The following MLPH variants were observed in gnomAD, a reference collection of about 807,000 sequenced individuals.
The protein encoded by MLPH is melanophilin.
MLPH carries 51 observed loss-of-function variants against 72.1 expected under a neutral mutation model. That is an observed-to-expected ratio of 0.71 (90% CI 0.56 to 0.89). The LOEUF (loss-of-function observed/expected upper bound fraction) is 0.89, where lower values mean the gene tolerates loss of function less well. MLPH is among the 40% of genes least tolerant of loss of function. The probability of loss-of-function intolerance (pLI) is 0.00; values close to 1 mark genes in which losing one functional copy is unlikely to be tolerated. For missense variants in MLPH, 743 were observed against 759.9 expected (o/e 0.98, Z 0.26); for synonymous variants, 301 against 310.1 (o/e 0.97, Z 0.31).
intron 6 of MLPH, among the ~76,000 whole-genome samples, chr2:237,524,228 T>C (rs2080252066): frequency 6.6e-6 from 1 of 151,112 alleles, no homozygotes; most frequent in African/African-American, 2.5e-5. Context: ...CAGTGTCAAG[T>C]TGATTATTTC....
Position 237,519,935 on chromosome 2 carries a change from A to T in MLPH, c.581A>T (p.Asp194Val), listed in dbSNP as rs1481037564. 4 of 1,613,910 alleles carry T rather than the reference A, an allele frequency of 2.5e-6. No individual in the cohort carries two copies. The South Asian group carries it at 4.4e-5, about 18-fold the overall frequency. Residue 194 changes from aspartate to valine, a missense_variant, in exon 6 of 16, where the codon GAC becomes GTC. Transcript: ENST00000264605. ...AAAAAGCGCCTCCTCTCCGTCCACGACTTCGACTTCGAGGGAGACTCAGAT... is the reference window on the plus strand; with the variant it reads ...AAAAAGCGCCTCCTCTCCGTCCACGTCTTCGACTTCGAGGGAGACTCAGAT... ...SKKKRLLSVH[D>V]FDFEGDSDDS...
chr2:237,532,836 TA>T (rs2080449295), intron 8 of MLPH, among the ~76,000 whole-genome samples: 1 of 152,292 alleles, frequency 6.6e-6, no homozygotes, highest in Non-Finnish European at 1.5e-5. Flanking sequence ...AATCTCTCCA[TA>T]AGGGTAGCAG....
intron 2 of MLPH, among the ~76,000 whole-genome samples, chr2:237,494,585 C>G (rs1358981758): frequency 1.3e-5 from 2 of 152,054 alleles, no homozygotes; most frequent in Non-Finnish European, 2.9e-5. Flanking sequence ...CAAGCTTGAC[C>G]AGAGATCAGA....
chr2:237,540,043 G>A (rs2080633421), intron 9 of MLPH, among the ~76,000 whole-genome samples: 1 of 152,150 alleles, frequency 6.6e-6, no homozygotes, highest in Non-Finnish European at 1.5e-5. Context: ...ACGTCAGCCT[G>A]GAATAAACAA....
At chr2:237,529,903 C>T (rs765089463) in intron 8 of MLPH, among the ~76,000 whole-genome samples, 12 of 152,318 alleles carry the variant, frequency 7.9e-5, no homozygotes, top group Non-Finnish European at 1.6e-4. Flanking sequence ...AGCTTCCCTT[C>T]GGGCCTGTGG....
chr2:237,536,203 A>G (rs2106364920), intron 9 of MLPH, among the ~76,000 whole-genome samples: 1 of 152,130 alleles, frequency 6.6e-6, no homozygotes, highest in Non-Finnish European at 1.5e-5. Flanking sequence ...CCCAAGTTAG[A>G]CCCCAAGGGC....
intron 8 of MLPH, among the ~76,000 whole-genome samples, chr2:237,533,732 G>A (rs897469243): frequency 6.6e-6 from 1 of 152,234 alleles, no homozygotes; most frequent in South Asian, 2.1e-4. Context: ...GATGCTCAAC[G>A]GGACCAGAGG....
At chr2:237,542,728 G>A (rs1265376957) in intron 12 of MLPH, 69 bp downstream of exon 12, 1 of 1,046,412 alleles carries the variant, frequency 9.6e-7, no homozygotes, top group Non-Finnish European at 1.4e-6. Flanking sequence ...GCGGACAGTG[G>A]TGAGTGGGGG....
In MLPH at chr2:237,510,505, G is replaced by T. The variant is rs1376254714; in HGVS notation, c.111-69G>T. 1 of 1,363,742 alleles carries T rather than the reference G, an allele frequency of 7.3e-7. No homozygotes were observed. 84.5% of individuals were successfully genotyped at this position (1,363,742 alleles called of 1,614,324 possible). The stretch of plus-strand genomic sequence containing the variant: ...TGTCTGTGTGTGTGTGTATGTACGT[G>T]TACACACTTAAAGCCTGTTGCAAAA... On this transcript the variant is annotated intron_variant, in intron 2 of 15. Transcript: ENST00000264605. This position sits in a 1 kb window ranked among gnomAD's most constrained non-coding sequence, Gnocchi z 4.4.
At chr2:237,497,538 C>T (rs76699467) in intron 2 of MLPH, among the ~76,000 whole-genome samples, 6 of 152,210 alleles carry the variant, frequency 3.9e-5, no homozygotes, top group Non-Finnish European at 7.3e-5. Context: ...GGTCAAAACA[C>T]GCCTCGCAGT....
At chr2:237,502,188 A>T (rs1369896932) in intron 2 of MLPH, among the ~76,000 whole-genome samples, 4 of 152,216 alleles carry the variant, frequency 2.6e-5, no homozygotes, top group Non-Finnish European at 4.4e-5. Flanking sequence ...CATTCATATC[A>T]CTTGGGTATT....
chr2:237,529,848 C>T (rs1450261612), intron 8 of MLPH, among the ~76,000 whole-genome samples: 1 of 152,216 alleles, frequency 6.6e-6, no homozygotes, highest in African/African-American at 2.4e-5. Context: ...TACAGAGCCC[C>T]TCCTCCCTCC....
chr2:237,518,486 C>A, intron 4 of MLPH, 53 bp from the exon 5 acceptor site: 2 of 1,461,720 alleles, frequency 1.4e-6, no homozygotes, highest in Non-Finnish European at 1.9e-6. Flanking sequence ...TGACAAATGG[C>A]TTGTTCCCAG....
chr2:237,518,443 T>C (rs2080100372), intron 4 of MLPH, 96 bp from the exon 5 acceptor site: 2 of 972,338 alleles, frequency 2.1e-6, no homozygotes, highest in African/African-American at 1.6e-5. Flanking sequence ...GGCAGGTAGA[T>C]GGATAGATTA....
intron 2 of MLPH, among the ~76,000 whole-genome samples, chr2:237,508,902 G>C (rs983376021): frequency 6.6e-6 from 1 of 152,204 alleles, no homozygotes; most frequent in Non-Finnish European, 1.5e-5. Context: ...TTTCGAGTCT[G>C]TTTCTGATGG....
At chr2:237,522,089 C>G (rs2080198085) in intron 6 of MLPH, among the ~76,000 whole-genome samples, 1 of 90,034 alleles carries the variant, frequency 1.1e-5, no homozygotes, top group Non-Finnish European at 2.2e-5. Context: ...CTTCAAACAC[C>G]TGCTACAACT....
At chr2:237,539,675 CTTTACAGAGATTA>C (rs1449035858) in intron 9 of MLPH, among the ~76,000 whole-genome samples, 2 of 152,204 alleles carry the variant, frequency 1.3e-5, no homozygotes, top group Non-Finnish European at 2.9e-5. Context: ...CCTTTAAGGA[CTTTACAGAGATTA>C]TTGAACTGAG....
Position 237,510,199 on chromosome 2 carries a change from T to G in MLPH, c.111-375T>G, listed in dbSNP as rs2079860068. 1 of 339,586 alleles carries G rather than the reference T, an allele frequency of 2.9e-6. No homozygotes were observed. The highest frequency in any genetic ancestry group is 2.5e-5 in the South Asian group (1 of 39,624). The allele number at this position is 339,586 out of a possible 1,614,324, so 21.0% of individuals were successfully genotyped here. On this transcript the variant is annotated intron_variant, in intron 2 of 15. Transcript: ENST00000264605. The surrounding 1 kb of genome is among the most constrained non-coding windows in gnomAD (Gnocchi z 4.4). The stretch of plus-strand genomic sequence containing the variant: ...TGCTGAAGGAGACCAAAACAATGCT[T>G]GATCAGGAAACACCATCTGGCTTTG...
In MLPH at chr2:237,553,769, C is replaced by T; in HGVS notation, c.*177C>T. ...AAGTGGACAGCGACATTCAGTCCTGCACTGCTCACCTGGGTTTACTGATGA... is the reference window on the plus strand; with the variant it reads ...AAGTGGACAGCGACATTCAGTCCTGTACTGCTCACCTGGGTTTACTGATGA... On this transcript the variant is annotated 3_prime_UTR_variant, in exon 16 of 16. Transcript: ENST00000264605. 4.6e-6 allele frequency: 4 copies of T among 865,222 alleles called. No individual in the cohort carries two copies. Among genetic ancestry groups the T allele is most frequent in the South Asian group, 4.0e-5 (3 of 74,474 alleles). 53.6% of individuals were successfully genotyped at this position (865,222 alleles called of 1,614,324 possible). A position where few individuals can be genotyped will look rare whatever the true frequency, so the allele number is the denominator to read the frequency against.
Sources: gnomAD v4.1 joint callset for allele counts (sites outside exome capture counted in the v4.1 genomes callset) on GRCh38, gnomAD v4.1.1 for gene constraint, Gnocchi (gnomAD v3.1) non-coding constraint, MANE v1.5 for transcripts, NCBI Gene and HGNC (gene_info 2026-07-23, HGNC 2026-07-21) for gene names.